Variants in TMEM165 observed in about 807,000 individuals in gnomAD.
TMEM165 encodes transmembrane protein 165.
Under a neutral mutation model 30.0 loss-of-function variants are expected in TMEM165, and 19 were observed. The ratio of observed to expected loss-of-function variants is 0.63; its 90% CI spans 0.44 to 0.93. TMEM165 has a LOEUF of 0.93. Ranked by LOEUF, TMEM165 falls within the 40% of genes least tolerant of loss-of-function variation. The probability of loss-of-function intolerance (pLI) is 0.00; values close to 1 mark genes in which losing one functional copy is unlikely to be tolerated. For synonymous variants in TMEM165, 168 were observed against 162.9 expected, an observed-to-expected ratio of 1.03 and a Z score of -0.24; for missense variants, 340 against 417.0, an observed-to-expected ratio of 0.82 and a Z score of 1.61.
At chr4:55,415,769 G>A (rs1369130469) in intron 2 of TMEM165, 2 of 152,056 alleles carry the variant, frequency 1.3e-5, no homozygotes, top group East Asian at 3.8e-4. Context: ...TTACATACAG[G>A]TTATACATTT....
chr4:55,420,162 A>G (rs1721916451), intron 4 of TMEM165, among the ~76,000 whole-genome samples: 1 of 128,856 alleles, frequency 7.8e-6, no homozygotes, highest in Non-Finnish European at 1.7e-5. Flanking sequence ...TTATTTATTT[A>G]ATGGCTGTAC....
chr4:55,414,870 A>G (rs958037267), intron 2 of TMEM165, among the ~76,000 whole-genome samples: 1 of 152,130 alleles, frequency 6.6e-6, no homozygotes, highest in African/African-American at 2.4e-5. Context: ...TCCTGACTAG[A>G]AAACTGCATA....
chr4:55,438,173 TA>T, intron 3 of TMEM165: 7 of 1,365,924 alleles, frequency 5.1e-6, no homozygotes, highest in Non-Finnish European at 7.2e-6. Context: ...AACTGTACAA[TA>T]AGCTTTTGTG....
downstream of TMEM165, among the ~76,000 whole-genome samples, chr4:55,427,095 G>A (rs1722243120): frequency 3.3e-5 from 5 of 150,122 alleles, no homozygotes; most frequent in Admixed American, 2.7e-4. Flanking sequence ...GTGCAGTGGT[G>A]TGATCTTGGC....
chr4:55,444,402 T>TA (rs1210004819), intron 3 of TMEM165, among the ~76,000 whole-genome samples: 1 of 152,076 alleles, frequency 6.6e-6, no homozygotes, highest in Non-Finnish European at 1.5e-5. Context: ...TTTGGACTGG[T>TA]AAAAAAAGAT....
downstream of TMEM165, among the ~76,000 whole-genome samples, chr4:55,426,992 ATTGT>A (rs745430857): frequency 4.0e-4 from 60 of 151,364 alleles, no homozygotes; most frequent in African/African-American, 1.0e-3. Context: ...ATTGCCTTAG[ATTGT>A]TTGTTTGTTA....
At chr4:55,428,627 A>C (rs919696752), downstream of TMEM165, 25 of 152,320 alleles carry the variant, frequency 1.6e-4, no homozygotes, top group Non-Finnish European at 2.9e-4. Flanking sequence ...AAAAATGATG[A>C]GCTACATCTA....
chr4:55,405,058 T>C (rs901562984), intron 1 of TMEM165, among the ~76,000 whole-genome samples: 6 of 152,170 alleles, frequency 3.9e-5, no homozygotes, highest in Admixed American at 3.3e-4. Context: ...CTATTTTTTT[T>C]CCTCCCTCCA....
At chr4:55,430,131 A>G (rs1722403063), downstream of TMEM165, 1 of 152,218 alleles carries the variant, frequency 6.6e-6, no homozygotes, top group South Asian at 2.1e-4. Context: ...TTTAAAAGCA[A>G]TTGCTTCTTT....
At chr4:55,436,986 T>C (rs984221492) in intron 3 of TMEM165, among the ~76,000 whole-genome samples, 5 of 151,440 alleles carry the variant, frequency 3.3e-5, no homozygotes, top group African/African-American at 7.3e-5. Context: ...GCAGGTCCTC[T>C]CCTTTTTTTA....
At chr4:55,418,098 CTG>C in intron 4 of TMEM165, 113 bp downstream of exon 4, 1 of 993,172 alleles carries the variant, frequency 1.0e-6, no homozygotes, top group Non-Finnish European at 1.4e-6. Context: ...ATATGCAAGA[CTG>C]TTTTACATCT....
At chr4:55,447,428 T>C (rs560182611) in intron 3 of TMEM165, among the ~76,000 whole-genome samples, 6 of 152,386 alleles carry the variant, frequency 3.9e-5, no homozygotes, top group South Asian at 4.1e-4. Context: ...TAAAGTTATT[T>C]GTACCTTTGG....
chr4:55,434,088 G>C (rs1722704082), intron 3 of TMEM165: 1 of 152,528 alleles, frequency 6.6e-6, no homozygotes, highest in Non-Finnish European at 1.5e-5. Flanking sequence ...AACTTATTAG[G>C]AGACTAATAA....
Position 55,438,321 on chromosome 4 carries a change from A to G in TMEM165, c.408+13678A>G, listed in dbSNP as rs1208811043. ...GCGGTGGCTGGGTCAGCTGAGCCTGAGATGGTTGCTGAACTGAAGTGAGCT... is the reference window on the plus strand; with the variant it reads ...GCGGTGGCTGGGTCAGCTGAGCCTGGGATGGTTGCTGAACTGAAGTGAGCT... On this transcript the variant is annotated intron_variant, in intron 3 of 3. Transcript: ENST00000608091. The G allele has an allele frequency of 2.5e-6, 4 of 1,613,972 alleles. No individual in the cohort carries two copies. In the African/African-American group the frequency reaches 5.3e-5, roughly 22 times the overall value.
At chr4:55,400,275 ATAATAT>A (rs1360190315) in intron 1 of TMEM165, among the ~76,000 whole-genome samples, 2 of 106,706 alleles carry the variant, frequency 1.9e-5, no homozygotes, top group African/African-American at 8.4e-5. Context: ...AATATATAAT[ATAATAT>A]TATATATTAT....
intron 1 of TMEM165, chr4:55,403,258 A>G (rs766587083): frequency 7.8e-7 from 1 of 1,288,480 alleles, no homozygotes; most frequent in South Asian, 1.2e-5. Context: ...TTTTCTTGGT[A>G]GCAAGCTGTA....
chr4:55,450,883 C>A lies in TMEM165; in HGVS notation c.409-1356C>A, dbSNP rs573602641. On this transcript the variant is annotated intron_variant, in intron 3 of 3. Transcript: ENST00000608091. Reference sequence around the variant, plus strand: ...GAAAGCCAGGTGAATGCCTGCGGTGCCAACTACCCAGGAAGCTGAGAAGAG... The same window carrying A: ...GAAAGCCAGGTGAATGCCTGCGGTGACAACTACCCAGGAAGCTGAGAAGAG... Among the ~76,000 whole-genome samples the A allele has an allele frequency of 1.5e-3, 221 of 152,148 alleles. 1 individual carries two copies. The highest frequency in any genetic ancestry group is 5.2e-3 in the African/African-American group (214 of 41,482).
chr4:55,442,535 A>G, intron 3 of TMEM165: 1 of 1,610,508 alleles, frequency 6.2e-7, no homozygotes, highest in Non-Finnish European at 8.5e-7. Flanking sequence ...GCAGGCTGAG[A>G]AATCACCATA....
At chr4:55,396,505 G>C in intron 1 of TMEM165, 109 bp downstream of exon 1, 1 of 986,140 alleles carries the variant, frequency 1.0e-6, no homozygotes, top group Non-Finnish European at 1.4e-6. Context: ...TGGGGGAGGG[G>C]AGCCCGGCCC....
Sources: allele counts gnomAD v4.1 joint callset (sites outside exome capture counted in the v4.1 genomes callset), GRCh38; gene constraint gnomAD v4.1.1; transcripts MANE v1.5; gene names NCBI Gene and HGNC (gene_info 2026-07-23, HGNC 2026-07-21).